The following DLEC1 variants were observed in gnomAD, a reference collection of about 807,000 sequenced individuals.
DLEC1 encodes the protein deleted in lung and esophageal cancer protein 1.
Under a neutral mutation model 198.1 loss-of-function variants are expected in DLEC1, and 146 were observed. That is an observed-to-expected ratio of 0.74 (90% CI 0.64 to 0.85). The LOEUF (loss-of-function observed/expected upper bound fraction) is 0.85, where lower values mean the gene tolerates loss of function less well. Ranked by LOEUF, DLEC1 falls within the 40% of genes least tolerant of loss-of-function variation. DLEC1 has a pLI of 0.00. For missense variants in DLEC1, 2,233 were observed against 2,220.0 expected (o/e 1.01, Z -0.12); for synonymous variants, 897 against 866.8 (o/e 1.03, Z -0.61).
intron 6 of DLEC1, among the ~76,000 whole-genome samples, chr3:38,072,925 AAAG>A (rs1169024911): frequency 2.6e-5 from 4 of 152,242 alleles, no homozygotes; most frequent in African/African-American, 9.6e-5. Flanking sequence ...GAGGGGCTAC[AAAG>A]AAGAAGGTCA....
chr3:38,073,701 C>A lies in DLEC1; in HGVS notation c.1173+9782C>A, dbSNP rs193242786. Among the ~76,000 whole-genome samples, 218 of 152,118 alleles carry A rather than the reference C, an allele frequency of 1.4e-3. 1 individual carries two copies. Among genetic ancestry groups the A allele is most frequent in the African/African-American group, 5.0e-3 (209 of 41,470 alleles). The stretch of plus-strand genomic sequence containing the variant: ...AAAAGAGTGTTGCCCAAGTTGGCAC[C>A]AGAGTGGGGGAGTTTTCAGGGGTTT... On this transcript the variant is annotated intron_variant, in intron 6 of 36. Transcript: ENST00000308059.
chr3:38,061,733 C>T (rs1467151483), intron 3 of DLEC1, among the ~76,000 whole-genome samples: 2 of 152,150 alleles, frequency 1.3e-5, no homozygotes, highest in Admixed American at 6.5e-5. Flanking sequence ...AGAAGCACAA[C>T]CATAACTCAC....
Position 38,059,766 on chromosome 3 carries a change from T to G in DLEC1, c.587T>G (p.Ile196Arg), listed in dbSNP as rs1229645035. 1.2e-6 allele frequency: 2 copies of G among 1,614,148 alleles called. No individual in the cohort carries two copies. Among genetic ancestry groups the G allele is most frequent in the Non-Finnish European group, 1.7e-6 (2 of 1,180,004 alleles). Residue 196 changes from isoleucine to arginine, a missense_variant, in exon 3 of 37, where the codon ATA (isoleucine) becomes AGA (arginine). Transcript: ENST00000308059. ...PPVKSVSRWCIDSELLRKHHL... is the reference protein window; with the variant it reads ...PPVKSVSRWCRDSELLRKHHL... ...GTGAAGAGTGTCTCCAGATGGTGTA[T>G]AGACAGCGAGTTGCTACGGAAACAT... is the stretch of plus-strand genomic sequence containing the variant.
intron 12 of DLEC1, 105 bp from the exon 13 acceptor site, chr3:38,094,774 T>C: frequency 7.4e-7 from 1 of 1,351,806 alleles, no homozygotes; most frequent in South Asian, 1.4e-5. Context: ...TTCCTGTTCC[T>C]AGGTCCTTTC....
Position 38,116,501 on chromosome 3 carries a change from G to A in DLEC1, c.3905G>A (p.Arg1302Gln), listed in dbSNP as rs566242634. The A allele has an allele frequency of 9.3e-6, 15 of 1,614,124 alleles. No homozygotes were observed. Among genetic ancestry groups the A allele is most frequent in the Admixed American group, 8.3e-5 (5 of 60,010 alleles). ...TATGTTCCAGAAGACAAGGAAGACCGGCTGGTGGAGCTGCTGGTGTTTTAT... is the reference window on the plus strand; with the variant it reads ...TATGTTCCAGAAGACAAGGAAGACCAGCTGGTGGAGCTGCTGGTGTTTTAT... Reference protein sequence around the residue: ...ETYVPEDKEDRLVELLVFYGP... With the variant: ...ETYVPEDKEDQLVELLVFYGP... The change falls in exon 28 of 37, where the codon CGG becomes CAG. Residue 1302 changes from arginine (R) to glutamine (Q), a missense_variant. Coordinates refer to ENST00000308059, the MANE Select transcript of DLEC1 (RefSeq NM_007335.4).
At chr3:38,043,789 G>A (rs1208667501) in intron 1 of DLEC1, among the ~76,000 whole-genome samples, 6 of 152,028 alleles carry the variant, frequency 3.9e-5, no homozygotes, top group Admixed American at 1.3e-4. Context: ...TGCCTCCTGG[G>A]TTCAAGTGAT....
In DLEC1 at chr3:38,059,850, A is replaced by C; in HGVS notation, c.671A>C (p.Lys224Thr). 1.2e-6 allele frequency: 2 copies of C among 1,613,676 alleles called. No homozygotes were observed. The highest frequency in any genetic ancestry group is 4.5e-5 in the East Asian group (2 of 44,874). ...ACAGTGCCGTTTCACTCTGCACCTA[A>C]AGGTAATGCTTCTGTGCTCTCAAGG... is the stretch of plus-strand genomic sequence containing the variant. ...TDTVPFHSAP[K>T]GISLPGCSKL... Residue 224 changes from lysine to threonine, a missense_variant and splice_region_variant, in exon 3 of 37, where the codon AAA (lysine) becomes ACA (threonine). Transcript: ENST00000308059.
At chr3:38,118,088 C>T in intron 33 of DLEC1, 64 bp downstream of exon 33, 1 of 1,512,388 alleles carries the variant, frequency 6.6e-7, no homozygotes, top group Non-Finnish European at 8.9e-7. Flanking sequence ...CAGACAGCAC[C>T]CCTGCACGCC....
At position 38,122,502 on chromosome 3, in the gene DLEC1, A is replaced by G. The variant is rs778581935; in HGVS notation, c.*90A>G. 2.5e-6 allele frequency: 4 copies of G among 1,612,668 alleles called. No homozygotes were observed. In the South Asian group the frequency reaches 4.4e-5, roughly 18 times the overall value. On this transcript the variant is annotated 3_prime_UTR_variant, in exon 37 of 37. Transcript: ENST00000308059. ...GCAGCTCTTCAGCACAAAGACACAG[A>G]CTTGGGGACCTGGGGACCTCTGGGC... is the stretch of plus-strand genomic sequence containing the variant.
chr3:38,118,503 A>G (rs1164984609), intron 33 of DLEC1, among the ~76,000 whole-genome samples: 1 of 152,140 alleles, frequency 6.6e-6, no homozygotes, highest in African/African-American at 2.4e-5. Flanking sequence ...CTCAGTGACA[A>G]TTGGATCCTG....
chr3:38,084,353 G>A (rs62240733), intron 7 of DLEC1, 108 bp downstream of exon 7: 306,327 of 938,000 alleles, frequency 0.33, 51,501 homozygotes, highest in East Asian at 0.52. Flanking sequence ...TAGTAGTAGT[G>A]GTGGTGGTAG....
intron 27 of DLEC1, 61 bp downstream of exon 27, chr3:38,115,114 G>A (rs900896310): frequency 6.3e-7 from 1 of 1,591,690 alleles, no homozygotes; most frequent in South Asian, 1.1e-5. Flanking sequence ...TGGTGAGCCA[G>A]GCTGGGAGGG....
At position 38,103,814 on chromosome 3, in the gene DLEC1, G is replaced by A. The variant is rs538009270; in HGVS notation, c.2864+3389G>A. 8 of 152,256 alleles carry A rather than the reference G, an allele frequency of 5.3e-5. No homozygotes were observed. In the East Asian group the frequency reaches 7.7e-4, roughly 15 times the overall value. The allele number at this position is 152,256 out of a possible 1,614,324, so 9.4% of individuals were successfully genotyped here. ...GAGGCCTGAGGAGAGGGAGAGAGAC[G>A]GAAATGACCAGTAAGTAGAGCAGTC... On this transcript the variant is annotated intron_variant, in intron 19 of 36. Transcript: ENST00000308059.
At chr3:38,106,124 T>C (rs908429487) in intron 19 of DLEC1, among the ~76,000 whole-genome samples, 1 of 152,238 alleles carries the variant, frequency 6.6e-6, no homozygotes, top group African/African-American at 2.4e-5. Context: ...TTATACATTA[T>C]AGGTTTATCA....
At chr3:38,117,409 TGGA>T (rs772855186) in intron 31 of DLEC1, 107 bp downstream of exon 31, 23 of 1,597,016 alleles carry the variant, frequency 1.4e-5, no homozygotes, top group South Asian at 1.3e-4. Context: ...CGGGCATGGG[TGGA>T]GAAGTCAGCA....
intron 14 of DLEC1, among the ~76,000 whole-genome samples, chr3:38,096,200 TGGGGAGCCAAACTG>T (rs1369524248): frequency 6.6e-6 from 1 of 152,136 alleles, no homozygotes; most frequent in Admixed American, 6.5e-5. Flanking sequence ...TTGTTGCTCT[TGGGGAGCCAAACTG>T]GGGGGCCCTC....
At chr3:38,078,455 C>T (rs529431575) in intron 6 of DLEC1, among the ~76,000 whole-genome samples, 6 of 152,172 alleles carry the variant, frequency 3.9e-5, no homozygotes, top group African/African-American at 9.6e-5. Context: ...GTAAGAAATC[C>T]GACTGCACTA....
At chr3:38,120,744 T>TC in intron 34 of DLEC1, 135 bp downstream of exon 34, 1 of 1,276,624 alleles carries the variant, frequency 7.8e-7, no homozygotes, top group Non-Finnish European at 1.1e-6. Context: ...GGGCTCAGTC[T>TC]CCCCTAGAAG....
intron 2 of DLEC1, among the ~76,000 whole-genome samples, chr3:38,057,226 C>A (rs1696420642): frequency 6.6e-6 from 1 of 152,238 alleles, no homozygotes; most frequent in African/African-American, 2.4e-5. Flanking sequence ...CACAGTGGCT[C>A]ACGCCTGTAA....
Sources: gnomAD v4.1 joint callset for allele counts (sites outside exome capture counted in the v4.1 genomes callset) on GRCh38, gnomAD v4.1.1 for gene constraint, MANE v1.5 for transcripts, NCBI Gene and HGNC (gene_info 2026-07-23, HGNC 2026-07-21) for gene names.